Variants in ANK3 observed in about 807,000 individuals in gnomAD.
ANK3 encodes the protein ankyrin 3.
In ANK3, 57 loss-of-function variants were observed where a neutral mutation model predicts 370.9. That is an observed-to-expected ratio of 0.15 (90% confidence interval 0.12 to 0.19). The LOEUF (loss-of-function observed/expected upper bound fraction) is 0.19, where lower values mean the gene tolerates loss of function less well. Among genes scored for constraint, ANK3 ranks in the 10% least tolerant of loss-of-function variants. The probability of loss-of-function intolerance (pLI) is 1.00; values close to 1 mark genes in which losing one functional copy is unlikely to be tolerated. For missense variants in ANK3, 4,439 were observed against 5,302.1 expected (o/e 0.84, Z 5.06); for synonymous variants, 1,929 against 1,946.3 (o/e 0.99, Z 0.23).
chr10:60,035,412 C>CTAAT (rs1409492649), intron 43 of ANK3, among the ~76,000 whole-genome samples: 2 of 151,820 alleles, frequency 1.3e-5, no homozygotes, highest in East Asian at 3.9e-4. Flanking sequence ...CCATGCCTGG[C>CTAAT]TAATTTTTAT....
At chr10:60,410,733 C>T (rs1169165901) in intron 2 of ANK3, among the ~76,000 whole-genome samples, 1 of 151,474 alleles carries the variant, frequency 6.6e-6, no homozygotes, top group East Asian at 1.9e-4. Flanking sequence ...ATTGTGCAAT[C>T]ATAGCTCACC....
intron 1 of ANK3, among the ~76,000 whole-genome samples, chr10:60,371,937 T>C (rs943296010): frequency 5.3e-5 from 8 of 152,152 alleles, no homozygotes; most frequent in African/African-American, 1.9e-4. Flanking sequence ...ATGTAGACCA[T>C]AGGGTTGTTC....
At chr10:60,413,139 C>T (rs2063593316) in intron 2 of ANK3, among the ~76,000 whole-genome samples, 1 of 152,190 alleles carries the variant, frequency 6.6e-6, no homozygotes, top group Non-Finnish European at 1.5e-5. Flanking sequence ...AGAATTGTAG[C>T]AATTCTAGCC....
chr10:60,557,097 A>G (rs937706277), intron 2 of ANK3, among the ~76,000 whole-genome samples: 1 of 152,204 alleles, frequency 6.6e-6, no homozygotes, highest in Non-Finnish European at 1.5e-5. Context: ...TGGTGCCAAA[A>G]AATTTGGGGA....
intron 23 of ANK3, among the ~76,000 whole-genome samples, chr10:60,162,399 G>GTGTA (rs1369990998): frequency 6.6e-6 from 1 of 152,122 alleles, no homozygotes; most frequent in East Asian, 1.9e-4. Context: ...ACCATTCAAT[G>GTGTA]TGTATTTGGG....
At chr10:60,633,687 G>A (rs530640636) in intron 1 of ANK3, among the ~76,000 whole-genome samples, 26 of 152,286 alleles carry the variant, frequency 1.7e-4, no homozygotes, top group East Asian at 5.8e-4. Context: ...CATTGGGTAA[G>A]GGTATTCCAC....
At chr10:60,704,625 GA>G (rs1211494257) in intron 1 of ANK3, among the ~76,000 whole-genome samples, 2 of 152,098 alleles carry the variant, frequency 1.3e-5, no homozygotes, top group Non-Finnish European at 2.9e-5. Context: ...TCCCAACAAA[GA>G]AACACTACAA....
intron 2 of ANK3, among the ~76,000 whole-genome samples, chr10:60,441,161 G>C (rs2133008149): frequency 6.6e-6 from 1 of 152,324 alleles, no homozygotes; most frequent in South Asian, 2.1e-4. Flanking sequence ...TGGATTGTGA[G>C]AGACTATTTT....
At position 60,244,487 on chromosome 10, in the gene ANK3, C is replaced by T. The variant is rs191877233; in HGVS notation, c.799-9701G>A. On this transcript the variant is annotated intron_variant, in intron 7 of 43. Coordinates refer to ENST00000280772, the MANE Select transcript of ANK3 (RefSeq NM_020987.5). ...TGGAATCCAGTATCTTCTGCTAATT[C>T]TTACCACTTGTCATAATTTTTGTCA... is the stretch of plus-strand genomic sequence containing the variant. Among the ~76,000 whole-genome samples, 378 of 152,294 alleles carry T rather than the reference C, an allele frequency of 2.5e-3. 2 individuals carry two copies. The highest frequency in any genetic ancestry group is 4.1e-3 in the Admixed American group (62 of 15,294).
chr10:60,568,203 T>A (rs1443428712), intron 2 of ANK3, among the ~76,000 whole-genome samples: 1 of 152,180 alleles, frequency 6.6e-6, no homozygotes, highest in Non-Finnish European at 1.5e-5. Flanking sequence ...TACAGAGAGA[T>A]CTTTCACGAA....
chr10:60,729,212 C>T (rs920344113), intron 1 of ANK3, among the ~76,000 whole-genome samples: 1 of 152,100 alleles, frequency 6.6e-6, no homozygotes, highest in Non-Finnish European at 1.5e-5. Flanking sequence ...ATGTTTGATG[C>T]TAATGAGCAA....
At chr10:60,148,596 T>C (rs1017139864) in intron 23 of ANK3, among the ~76,000 whole-genome samples, 23 of 152,194 alleles carry the variant, frequency 1.5e-4, no homozygotes, top group African/African-American at 5.1e-4. Context: ...TTAACTCAGA[T>C]ACAGAAATTC....
chr10:60,313,884 C>G (rs1397540699), intron 1 of ANK3, among the ~76,000 whole-genome samples: 1 of 151,954 alleles, frequency 6.6e-6, no homozygotes, highest in Non-Finnish European at 1.5e-5. Flanking sequence ...GCACCTCCAG[C>G]CTGCATCACC....
chr10:60,395,289 G>C (rs1381623064), intron 2 of ANK3, among the ~76,000 whole-genome samples: 1 of 151,960 alleles, frequency 6.6e-6, no homozygotes, highest in Non-Finnish European at 1.5e-5. Context: ...GATTCATGTT[G>C]AAATAATATT....
chr10:60,478,086 T>C (rs1369830886), intron 2 of ANK3, among the ~76,000 whole-genome samples: 4 of 152,190 alleles, frequency 2.6e-5, no homozygotes, highest in Non-Finnish European at 5.9e-5. Context: ...ACGGGGAGAA[T>C]GAATTCATCA....
chr10:60,114,842 C>G (rs915226341), intron 25 of ANK3, among the ~76,000 whole-genome samples: 1 of 152,186 alleles, frequency 6.6e-6, no homozygotes, highest in African/African-American at 2.4e-5. Context: ...ACTAAAAGAA[C>G]TACCAAACTC....
intron 42 of ANK3, among the ~76,000 whole-genome samples, chr10:60,047,914 CATTT>C (rs2077220811): frequency 6.6e-6 from 1 of 152,116 alleles, no homozygotes; most frequent in South Asian, 2.1e-4. Flanking sequence ...TCAGCACATT[CATTT>C]AAGTCCCATG....
intron 2 of ANK3, among the ~76,000 whole-genome samples, chr10:60,394,927 T>C (rs2063185217): frequency 1.3e-5 from 2 of 152,114 alleles, no homozygotes; most frequent in Non-Finnish European, 2.9e-5. Flanking sequence ...ATAAGGAAGT[T>C]TTATTCAAGC....
At chr10:60,059,826 T>A in intron 40 of ANK3, 1 of 1,614,242 alleles carries the variant, frequency 6.2e-7, no homozygotes, top group Non-Finnish European at 8.5e-7. Flanking sequence ...TGGAGGTCCA[T>A]CTGCGGAATG....
Sources: allele counts gnomAD v4.1 joint callset (sites outside exome capture counted in the v4.1 genomes callset), GRCh38; gene constraint gnomAD v4.1.1; transcripts MANE v1.5; gene names NCBI Gene and HGNC (gene_info 2026-07-23, HGNC 2026-07-21).